PCP4: variants seen among roughly 807,000 people sequenced by gnomAD.
PCP4 encodes the protein calmodulin regulator protein PCP4.
Under a neutral mutation model 10.0 loss-of-function variants are expected in PCP4, and 8 were observed. The ratio of observed to expected loss-of-function variants is 0.80; its 90% CI spans 0.47 to 1.45. The LOEUF is 1.45. PCP4 is among the 40% of genes most tolerant of loss of function. The pLI is 0.00. For synonymous variants in PCP4, 21 were observed against 23.0 expected (o/e 0.91, Z 0.24); for missense variants, 54 against 74.4 (o/e 0.73, Z 1.01).
intron 2 of PCP4, among the ~76,000 whole-genome samples, chr21:39,924,783 C>T (rs1309438490): frequency 1.3e-5 from 2 of 152,224 alleles, no homozygotes; most frequent in African/African-American, 2.4e-5. Flanking sequence ...CAGACTCTCA[C>T]CTCAGTCTCT....
At chr21:39,884,120 A>C (rs2087388729) in intron 1 of PCP4, among the ~76,000 whole-genome samples, 1 of 151,646 alleles carries the variant, frequency 6.6e-6, no homozygotes, top group Admixed American at 6.6e-5. Flanking sequence ...TGTAATTTAC[A>C]TGTGGTAAAA....
chr21:39,896,074 C>T (rs2087455673), intron 1 of PCP4, among the ~76,000 whole-genome samples: 1 of 152,026 alleles, frequency 6.6e-6, no homozygotes, highest in African/African-American at 2.4e-5. Flanking sequence ...CTTAGAAATC[C>T]CGAAAAAATG....
intron 2 of PCP4, among the ~76,000 whole-genome samples, chr21:39,928,486 A>G (rs2087635578): frequency 1.3e-5 from 2 of 152,200 alleles, no homozygotes; most frequent in Non-Finnish European, 2.9e-5. Flanking sequence ...GTGTCATCCC[A>G]TCTTGACGAT....
intron 2 of PCP4, among the ~76,000 whole-genome samples, chr21:39,910,058 G>T (rs991939457): frequency 3.3e-5 from 5 of 151,966 alleles, no homozygotes; most frequent in African/African-American, 4.8e-5. Context: ...GGCCTCCCAA[G>T]CCTTCTTCAA....
At chr21:39,876,815 C>A (rs776235929) in intron 1 of PCP4, among the ~76,000 whole-genome samples, 3 of 152,204 alleles carry the variant, frequency 2.0e-5, no homozygotes, top group Non-Finnish European at 2.9e-5. Flanking sequence ...GTGGTCTGTG[C>A]CAACAGCACT....
intron 1 of PCP4, among the ~76,000 whole-genome samples, chr21:39,886,291 C>T (rs2087400399): frequency 6.6e-6 from 1 of 152,134 alleles, no homozygotes; most frequent in Non-Finnish European, 1.5e-5. Flanking sequence ...TTTCAGGAAA[C>T]TGACAGCAAC....
intron 2 of PCP4, among the ~76,000 whole-genome samples, chr21:39,927,337 CTGTCT>C (rs1443339273): frequency 4.2e-5 from 3 of 72,236 alleles, no homozygotes; most frequent in Non-Finnish European, 5.4e-5. Flanking sequence ...ATCTATCTAT[CTGTCT>C]ATCTATCTAT....
intron 1 of PCP4, among the ~76,000 whole-genome samples, chr21:39,888,952 G>T (rs959895839): frequency 6.6e-6 from 1 of 152,150 alleles, no homozygotes; most frequent in African/African-American, 2.4e-5. Context: ...TCTTAGCCTG[G>T]GAGACACCAC....
chr21:39,878,148 T>C (rs1260867171), intron 1 of PCP4, among the ~76,000 whole-genome samples: 1 of 152,182 alleles, frequency 6.6e-6, no homozygotes, highest in Non-Finnish European at 1.5e-5. Flanking sequence ...TAAAATTAAC[T>C]CTACTCTGGT....
chr21:39,898,622 C>T (rs1223931947), intron 2 of PCP4, 95 bp downstream of exon 2: 2 of 921,336 alleles, frequency 2.2e-6, no homozygotes, highest in Admixed American at 3.7e-5. Flanking sequence ...TCCCAAACAG[C>T]TTACTATATG....
At chr21:39,920,461 G>A (rs1423110505) in intron 2 of PCP4, among the ~76,000 whole-genome samples, 1 of 151,900 alleles carries the variant, frequency 6.6e-6, no homozygotes, top group South Asian at 2.1e-4. Flanking sequence ...GGTCTGTTGT[G>A]TGTGTGTGGC....
intron 2 of PCP4, 61 bp downstream of exon 2, chr21:39,898,588 A>T: frequency 1.5e-6 from 2 of 1,308,824 alleles, no homozygotes; most frequent in South Asian, 1.2e-5. Flanking sequence ...CTGGGTATGC[A>T]GCAGGTGCGG....
intron 1 of PCP4, among the ~76,000 whole-genome samples, chr21:39,885,568 T>A (rs1259824044): frequency 6.6e-6 from 1 of 152,198 alleles, no homozygotes; most frequent in Admixed American, 6.5e-5. Flanking sequence ...CCTACCTCCA[T>A]GTGGTTTGGG....
rs2087512500 is a variant in PCP4 at position 39,906,738 on chromosome 21, A to G, written c.61+8211A>G. Among the ~76,000 whole-genome samples the G allele has an allele frequency of 6.6e-6, 1 of 152,194 alleles. No homozygotes were observed. Among genetic ancestry groups the G allele is most frequent in the African/African-American group, 2.4e-5 (1 of 41,450 alleles). On this transcript the variant is annotated intron_variant, in intron 2 of 2. Coordinates refer to ENST00000328619, the MANE Select transcript of PCP4 (RefSeq NM_006198.3). This position sits in a 1 kb window ranked among gnomAD's most constrained non-coding sequence, Gnocchi z 6.3. ...AGAAAGCTTATACACCTTGGTGAAA[A>G]AGTAAAGTTATACATTATTCTCAAT...
chr21:39,927,290 C>T (rs2087626666), intron 2 of PCP4, among the ~76,000 whole-genome samples: 2 of 115,742 alleles, frequency 1.7e-5, no homozygotes, highest in South Asian at 3.0e-4. Context: ...ATCTATCTAT[C>T]TATCTATCTA....
chr21:39,873,737 G>T (rs952916160), intron 1 of PCP4, among the ~76,000 whole-genome samples: 1 of 152,176 alleles, frequency 6.6e-6, no homozygotes, highest in Non-Finnish European at 1.5e-5. Flanking sequence ...TTCGATAATG[G>T]ATTGTTTTGT....
chr21:39,878,506 C>A (rs1425698450), intron 1 of PCP4, among the ~76,000 whole-genome samples: 1 of 152,152 alleles, frequency 6.6e-6, no homozygotes, highest in Admixed American at 6.5e-5. Context: ...TTTTCTCATC[C>A]ACATCAATGA....
chr21:39,893,542 C>T (rs2087443391), intron 1 of PCP4, among the ~76,000 whole-genome samples: 3 of 152,252 alleles, frequency 2.0e-5, no homozygotes, highest in Non-Finnish European at 4.4e-5. Flanking sequence ...GGCATCTCAT[C>T]TGCCTCCTGG....
chr21:39,884,360 G>A (rs1238708628), intron 1 of PCP4, among the ~76,000 whole-genome samples: 1 of 151,446 alleles, frequency 6.6e-6, no homozygotes, highest in Non-Finnish European at 1.5e-5. Context: ...TGTATTTTTA[G>A]TAGAGACGGG....
Sources: gnomAD v4.1 joint callset for allele counts (sites outside exome capture counted in the v4.1 genomes callset) on GRCh38, gnomAD v4.1.1 for gene constraint, Gnocchi (gnomAD v3.1) non-coding constraint, MANE v1.5 for transcripts, NCBI Gene and HGNC (gene_info 2026-07-23, HGNC 2026-07-21) for gene names.